The following ZNF568 variants were observed in gnomAD, a reference collection of about 807,000 sequenced individuals.
ZNF568 encodes zinc finger protein 568.
ZNF568 carries 11 observed loss-of-function variants against 18.1 expected under a neutral mutation model. The ratio of observed to expected loss-of-function variants is 0.61; its 90% CI spans 0.38 to 1.00. The LOEUF is 1.00. Ranked by LOEUF, ZNF568 falls within the 50% of genes least tolerant of loss-of-function variation. The pLI, the probability that ZNF568 is intolerant of heterozygous loss-of-function variation, is 0.01. For missense variants in ZNF568, 639 were observed against 768.2 expected (o/e 0.83, Z 1.99); for synonymous variants, 213 against 246.6 (o/e 0.86, Z 1.28).
chr19:36,917,753 T>C (rs1401633533), intron 2 of ZNF568, 105 bp downstream of exon 2: 1 of 152,234 alleles, frequency 6.6e-6, no homozygotes, highest in Admixed American at 6.5e-5. Flanking sequence ...TGCACATATA[T>C]CTTTTTTTAT....
chr19:36,987,012 AT>A (rs2074381891), intron 2 of ZNF568, among the ~76,000 whole-genome samples: 1 of 152,196 alleles, frequency 6.6e-6, no homozygotes, highest in Non-Finnish European at 1.5e-5. Context: ...GTAACTGCAG[AT>A]TTGAGTAAAT....
chr19:36,935,638 A>G (rs1442814662), intron 4 of ZNF568, among the ~76,000 whole-genome samples: 1 of 150,436 alleles, frequency 6.6e-6, no homozygotes, highest in Admixed American at 6.6e-5. Flanking sequence ...TCAATTCTGT[A>G]TTTTTGCTTT....
chr19:36,992,441 G>A (rs1028520435), intron 4 of ZNF568, among the ~76,000 whole-genome samples: 1 of 152,052 alleles, frequency 6.6e-6, no homozygotes, highest in African/African-American at 2.4e-5. Context: ...GGCAGAGGTT[G>A]CAGTGAGCCA....
intron 1 of ZNF568, 47 bp from the exon 2 acceptor site, chr19:36,917,532 T>G (rs996140610): frequency 2.0e-5 from 3 of 152,228 alleles, no homozygotes; most frequent in African/African-American, 7.2e-5. Flanking sequence ...TTTATTGTAT[T>G]TCTTAAGAAT....
intron 6 of ZNF568, among the ~76,000 whole-genome samples, chr19:36,940,771 C>G (rs1418503647): frequency 6.6e-6 from 1 of 152,090 alleles, no homozygotes; most frequent in Non-Finnish European, 1.5e-5. Context: ...CTTTCTTTTT[C>G]TTTTTGATAA....
chr19:36,933,952 G>A (rs1308929083), intron 4 of ZNF568, among the ~76,000 whole-genome samples: 1 of 67,852 alleles, frequency 1.5e-5, no homozygotes, highest in African/African-American at 6.4e-5. Flanking sequence ...TAGTAATTCA[G>A]TCTCTTGTTA....
intron 6 of ZNF568, among the ~76,000 whole-genome samples, chr19:36,967,033 C>T (rs554798968): frequency 3.3e-5 from 5 of 152,326 alleles, no homozygotes; most frequent in African/African-American, 9.6e-5. Context: ...CTAAGGCCTA[C>T]AGTGCCACTC....
chr19:36,978,809 C>T (rs185067793), intron 7 of ZNF568, among the ~76,000 whole-genome samples: 4 of 152,186 alleles, frequency 2.6e-5, no homozygotes, highest in East Asian at 1.9e-4. Flanking sequence ...CTATCTCATG[C>T]GTCCATTGTG....
intron 4 of ZNF568, among the ~76,000 whole-genome samples, chr19:36,927,639 A>G (rs2073578264): frequency 6.6e-6 from 1 of 151,272 alleles, no homozygotes; most frequent in Non-Finnish European, 1.5e-5. Context: ...TTCTTTATGC[A>G]CACACATTAT....
intron 6 of ZNF568, among the ~76,000 whole-genome samples, chr19:36,939,201 C>T (rs1480650564): frequency 6.6e-6 from 1 of 152,188 alleles, no homozygotes; most frequent in Admixed American, 6.5e-5. Flanking sequence ...TCTTCCTATG[C>T]TAACAAACTG....
rs1292794618 is a variant in ZNF568, at chr19:36,950,508, G to A, written c.1355G>A (p.Gly452Glu). 1.2e-6 allele frequency: 2 copies of A among 1,613,860 alleles called. No individual in the cohort carries two copies. Among genetic ancestry groups the A allele is most frequent in the African/African-American group, 2.7e-5 (2 of 74,884 alleles). ...AAACCCTATGAATGTAAGGAATGTG[G>A]AAAAGCCTTCAGCAGGAAAGAAAAT... is the stretch of plus-strand genomic sequence containing the variant. Reference protein sequence around the residue: ...AEKPYECKECGKAFSRKENLI... With the variant: ...AEKPYECKECEKAFSRKENLI... The change falls in exon 7 of 7, where the codon GGA (glycine) becomes GAA (glutamate). Residue 452 changes from glycine (G) to glutamate (E), a missense_variant. Transcript: ENST00000333987.
intron 4 of ZNF568, among the ~76,000 whole-genome samples, chr19:36,935,809 CTG>C (rs1333356726): frequency 1.3e-5 from 2 of 152,056 alleles, no homozygotes; most frequent in African/African-American, 4.8e-5. Flanking sequence ...TGTTCGCATG[CTG>C]TGTTTTTTCC....
intron 4 of ZNF568, among the ~76,000 whole-genome samples, chr19:36,930,025 G>A (rs2073657836): frequency 6.6e-6 from 1 of 150,662 alleles, no homozygotes; most frequent in Non-Finnish European, 1.5e-5. Context: ...TGTTTTTTAA[G>A]GTTCGAACCC....
At chr19:36,991,345 A>T in intron 3 of ZNF568, 1 of 1,472,746 alleles carries the variant, frequency 6.8e-7, no homozygotes, top group Non-Finnish European at 9.0e-7. Flanking sequence ...CGCCAAACAC[A>T]CAATTGGCCT....
chr19:36,984,857 C>G (rs1644668), downstream of ZNF568, among the ~76,000 whole-genome samples: 1 of 151,588 alleles, frequency 6.6e-6, no homozygotes, highest in Non-Finnish European at 1.5e-5. Context: ...TTGCTTTTCA[C>G]GTATTCTCTT....
chr19:36,938,357 T>G (rs1049429975), intron 6 of ZNF568, among the ~76,000 whole-genome samples: 1 of 152,102 alleles, frequency 6.6e-6, no homozygotes, highest in African/African-American at 2.4e-5. Flanking sequence ...GTACAACAAA[T>G]AGTAACAGAA....
intron 4 of ZNF568, chr19:36,996,180 C>A: frequency 1.3e-6 from 1 of 768,854 alleles, no homozygotes; most frequent in Non-Finnish European, 2.0e-6. Context: ...TCTCATTTTT[C>A]ACTTCCCTTT....
chr19:36,985,521 T>G (rs201315842), intron 2 of ZNF568, among the ~76,000 whole-genome samples: 82 of 34,302 alleles, frequency 2.4e-3, no homozygotes, highest in African/African-American at 0.012. Context: ...GTTTGTTTTG[T>G]TTTGTTTTGT....
At chr19:36,955,025 T>C (rs1250261308), downstream of ZNF568, among the ~76,000 whole-genome samples, 1 of 150,508 alleles carries the variant, frequency 6.6e-6, no homozygotes, top group Admixed American at 6.6e-5. Flanking sequence ...GGCTACAAGC[T>C]CCCGCCACCA....
Sources: gnomAD v4.1 joint callset for allele counts (sites outside exome capture counted in the v4.1 genomes callset) on GRCh38, gnomAD v4.1.1 for gene constraint, MANE v1.5 for transcripts, NCBI Gene and HGNC (gene_info 2026-07-23, HGNC 2026-07-21) for gene names.